The following MALRD1 variants were observed in gnomAD, a reference collection of about 807,000 sequenced individuals.
MALRD1 encodes the protein MAM and LDL receptor class A domain containing 1.
In MALRD1, 247 loss-of-function variants were observed where a neutral mutation model predicts 242.1. The observed-to-expected ratio is 1.02, with a 90% CI of 0.92 to 1.13. The LOEUF is 1.13. Among genes scored for constraint, MALRD1 ranks in the 50% most tolerant of loss-of-function variants. The pLI, the probability that MALRD1 is intolerant of heterozygous loss-of-function variation, is 0.00. For synonymous variants in MALRD1, 995 were observed against 866.6 expected, an observed-to-expected ratio of 1.15 and a Z score of -2.60; for missense variants, 2,989 against 2,533.1, an observed-to-expected ratio of 1.18 and a Z score of -3.86.
At chr10:19,203,921 T>C in intron 15 of MALRD1, 41 bp downstream of exon 15, 5 of 1,548,464 alleles carry the variant, frequency 3.2e-6, no homozygotes, top group Non-Finnish European at 3.5e-6. Context: ...TGCTATTTAC[T>C]GTTTAGTTAG....
chr10:19,369,622 C>T (rs1040474170), intron 26 of MALRD1, among the ~76,000 whole-genome samples: 1 of 114,938 alleles, frequency 8.7e-6, no homozygotes, highest in African/African-American at 3.3e-5. Context: ...TTTAAATATA[C>T]ATAAGTATAC....
chr10:19,602,915 G>T (rs1285010669), intron 34 of MALRD1, among the ~76,000 whole-genome samples: 1 of 152,112 alleles, frequency 6.6e-6, no homozygotes, highest in Non-Finnish European at 1.5e-5. Context: ...GTATCTCATT[G>T]TGGTTTTGAT....
At chr10:19,259,531 C>G (rs1031723670) in intron 19 of MALRD1, among the ~76,000 whole-genome samples, 24 of 152,148 alleles carry the variant, frequency 1.6e-4, no homozygotes, top group African/African-American at 5.8e-4. Flanking sequence ...ATAAAACTAT[C>G]AAATCTTGTA....
rs115206942 is a variant in MALRD1, at chr10:19,476,075, A to G, written c.5030-15442A>G. 2.9e-3 allele frequency among the ~76,000 whole-genome samples: 435 copies of G among 152,312 alleles called. 3 individuals are homozygous for G. Among genetic ancestry groups the G allele is most frequent in the African/African-American group, 8.8e-3 (366 of 41,558 alleles). On this transcript the variant is annotated intron_variant, in intron 29 of 39. Coordinates refer to ENST00000454679, the MANE Select transcript of MALRD1 (RefSeq NM_001142308.3). ...TCTTTTTAGTGCACATACCTTAAAT[A>G]AATCAAGGGCATTTTTGCCAAAGAT...
In MALRD1 at chr10:19,323,491, A is replaced by G. The variant is rs16918490; in HGVS notation, c.3420-458A>G. Among the ~76,000 whole-genome samples the G allele has an allele frequency of 5.9e-4, 90 of 152,344 alleles. No homozygotes were observed. In the East Asian group the frequency reaches 0.017, roughly 28 times the overall value. On this transcript the variant is annotated intron_variant, in intron 21 of 39. Coordinates refer to ENST00000454679, the MANE Select transcript of MALRD1 (RefSeq NM_001142308.3). ...TATGGGTTCAAAATCAAAGTGGCAG[A>G]AGTATTATTTCTGATGAAGATAATG... is the stretch of plus-strand genomic sequence containing the variant.
chr10:19,174,842 A>G (rs1325171032), intron 13 of MALRD1, among the ~76,000 whole-genome samples: 3 of 152,136 alleles, frequency 2.0e-5, no homozygotes, highest in African/African-American at 4.8e-5. Context: ...CAGCACACTG[A>G]TTACAAATCA....
At chr10:19,284,262 T>C (rs79718268) in intron 21 of MALRD1, among the ~76,000 whole-genome samples, 3 of 145,364 alleles carry the variant, frequency 2.1e-5, no homozygotes, top group East Asian at 4.1e-4. Flanking sequence ...TTTTTTTTTT[T>C]CATTATACTT....
At chr10:19,193,841 A>AAAT (rs1554808218) in intron 14 of MALRD1, among the ~76,000 whole-genome samples, 63 of 149,738 alleles carry the variant, frequency 4.2e-4, no homozygotes, top group South Asian at 2.5e-3. Context: ...GGGGAAAAAA[A>AAAT]ATATATATAT....
intron 14 of MALRD1, among the ~76,000 whole-genome samples, chr10:19,197,200 A>G (rs886149365): frequency 6.6e-6 from 1 of 152,178 alleles, no homozygotes; most frequent in African/African-American, 2.4e-5. Flanking sequence ...AATCACCCCC[A>G]TGATCCAATC....
chr10:19,088,480 G>C (rs886398433), intron 4 of MALRD1, among the ~76,000 whole-genome samples: 1 of 145,664 alleles, frequency 6.9e-6, no homozygotes, highest in Non-Finnish European at 1.5e-5. Flanking sequence ...CTAATTTCTT[G>C]AACCCCCTCC....
intron 13 of MALRD1, among the ~76,000 whole-genome samples, chr10:19,171,481 CATATAT>C (rs1834934604): frequency 7.3e-6 from 1 of 136,926 alleles, no homozygotes; most frequent in Non-Finnish European, 1.5e-5. Flanking sequence ...TACACACACA[CATATAT>C]ACACACACAT....
At chr10:19,458,908 A>G (rs919532781) in intron 29 of MALRD1, among the ~76,000 whole-genome samples, 2 of 151,844 alleles carry the variant, frequency 1.3e-5, no homozygotes, top group African/African-American at 2.4e-5. Flanking sequence ...ATATATATAT[A>G]TGTGCGTATA....
intron 36 of MALRD1, among the ~76,000 whole-genome samples, chr10:19,645,952 G>T (rs991182408): frequency 6.6e-6 from 1 of 151,848 alleles, no homozygotes; most frequent in Non-Finnish European, 1.5e-5. Flanking sequence ...ACAACAACTT[G>T]TCTGTTTTCC....
chr10:19,692,862 T>C (rs1238708698), intron 38 of MALRD1, among the ~76,000 whole-genome samples: 1 of 82,192 alleles, frequency 1.2e-5, no homozygotes, highest in African/African-American at 4.8e-5. Context: ...TATATATAGA[T>C]GAAATTATAT....
intron 21 of MALRD1, among the ~76,000 whole-genome samples, chr10:19,300,628 A>G (rs927187246): frequency 7.2e-5 from 11 of 152,016 alleles, no homozygotes; most frequent in African/African-American, 2.7e-4. Flanking sequence ...CCTAGTCAAT[A>G]AACAATGCTG....
chr10:19,518,214 T>G (rs987655912), intron 31 of MALRD1, among the ~76,000 whole-genome samples: 8 of 152,354 alleles, frequency 5.3e-5, no homozygotes, highest in Admixed American at 1.3e-4. Flanking sequence ...ACATACTAAG[T>G]TAGGTTGTAG....
rs1335294064 is a variant in MALRD1 at position 19,110,769 on chromosome 10, A to G, written c.694+6694A>G. On this transcript the variant is annotated intron_variant, in intron 5 of 39. Coordinates refer to ENST00000454679, the MANE Select transcript of MALRD1 (RefSeq NM_001142308.3). ...CTGATCCCTTCAGCAATGTCTTTAT[A>G]TATCTCAATTTTATAGTTTCTGCAG... is the stretch of plus-strand genomic sequence containing the variant. 2.6e-5 allele frequency among the ~76,000 whole-genome samples: 4 copies of G among 152,150 alleles called. No homozygotes were observed. The East Asian group carries it at 5.8e-4, about 22-fold the overall frequency.
chr10:19,454,489 A>T (rs994085945), intron 29 of MALRD1, among the ~76,000 whole-genome samples: 15 of 144,504 alleles, frequency 1.0e-4, no homozygotes, highest in Admixed American at 9.1e-4. Flanking sequence ...GGTAATACAG[A>T]TATTCCTGGA....
chr10:19,553,545 C>G lies in MALRD1; in HGVS notation c.5479-13957C>G, dbSNP rs538267739. On this transcript the variant is annotated intron_variant, in intron 32 of 39. Transcript: ENST00000454679. ...TCTCTGATTTCTAGTGTTTAAATCC[C>G]CTATTTAAATTGAAACCTGGGGCTT... Among the ~76,000 whole-genome samples the G allele has an allele frequency of 1.5e-4, 23 of 151,936 alleles. 1 individual carries two copies. In the South Asian group the frequency reaches 4.6e-3, roughly 30 times the overall value.
Sources: gnomAD v4.1 joint callset for allele counts (sites outside exome capture counted in the v4.1 genomes callset) on GRCh38, gnomAD v4.1.1 for gene constraint, MANE v1.5 for transcripts, NCBI Gene and HGNC (gene_info 2026-07-23, HGNC 2026-07-21) for gene names.